Variants in DTL observed in about 807,000 individuals in gnomAD.
The protein encoded by DTL is denticleless protein homolog.
In DTL, 46 loss-of-function variants were observed where a neutral mutation model predicts 87.0. The observed-to-expected ratio is 0.53, with a 90% CI of 0.42 to 0.68. DTL has a LOEUF of 0.68. DTL is among the 30% of genes least tolerant of loss of function. The pLI is 0.00. For synonymous variants in DTL, 308 were observed against 311.2 expected (o/e 0.99, Z 0.11); for missense variants, 737 against 869.4 (o/e 0.85, Z 1.91).
chr1:212,043,680 A>AT (rs1362790229), intron 2 of DTL, among the ~76,000 whole-genome samples: 9 of 152,134 alleles, frequency 5.9e-5, no homozygotes, highest in African/African-American at 2.2e-4. Context: ...ATTGCAAAAA[A>AT]TCAGCTGGGC....
At chr1:212,101,639 T>A (rs943485837) in intron 14 of DTL, among the ~76,000 whole-genome samples, 2 of 152,244 alleles carry the variant, frequency 1.3e-5, no homozygotes, top group Non-Finnish European at 2.9e-5. Flanking sequence ...TTATGACTTC[T>A]CCACAATCTT....
intron 7 of DTL, among the ~76,000 whole-genome samples, chr1:212,066,587 A>G (rs1437950721): frequency 6.6e-6 from 1 of 152,208 alleles, no homozygotes; most frequent in South Asian, 2.1e-4. Context: ...TTTAGTCACC[A>G]GTTTGTTTTT....
At chr1:212,090,165 A>G (rs916752733) in intron 13 of DTL, among the ~76,000 whole-genome samples, 1 of 152,222 alleles carries the variant, frequency 6.6e-6, no homozygotes, top group African/African-American at 2.4e-5. Context: ...TTTTTCAGTA[A>G]TTATCCTTAT....
At chr1:212,101,753 A>G (rs971571350) in intron 14 of DTL, among the ~76,000 whole-genome samples, 2 of 152,192 alleles carry the variant, frequency 1.3e-5, no homozygotes, top group African/African-American at 4.8e-5. Flanking sequence ...CATTTCATTG[A>G]CTGACTTAAT....
chr1:212,057,236 C>A (rs529915953), intron 5 of DTL, among the ~76,000 whole-genome samples: 2 of 151,732 alleles, frequency 1.3e-5, no homozygotes, highest in African/African-American at 4.8e-5. Context: ...AGTGAAAATT[C>A]TAAAAGCAGA....
chr1:212,071,433 G>T (rs1339691283), intron 10 of DTL, among the ~76,000 whole-genome samples: 1 of 152,132 alleles, frequency 6.6e-6, no homozygotes, highest in Non-Finnish European at 1.5e-5. Context: ...TTGAGAGTGA[G>T]AAGGCTAAAC....
intron 13 of DTL, among the ~76,000 whole-genome samples, chr1:212,086,327 G>T (rs1392788419): frequency 6.6e-6 from 1 of 151,952 alleles, no homozygotes; most frequent in East Asian, 1.9e-4. Flanking sequence ...ATCATATGAG[G>T]CCATTAGAGA....
intron 13 of DTL, among the ~76,000 whole-genome samples, chr1:212,095,618 G>C (rs1655422812): frequency 6.6e-6 from 1 of 152,190 alleles, no homozygotes; most frequent in African/African-American, 2.4e-5. Flanking sequence ...TTACAGGCAT[G>C]AGCCACCGCA....
At chr1:212,090,584 G>A (rs1240545910) in intron 13 of DTL, among the ~76,000 whole-genome samples, 1 of 152,078 alleles carries the variant, frequency 6.6e-6, no homozygotes, top group Non-Finnish European at 1.5e-5. Context: ...GGCCCGAGAG[G>A]GAAGAAGCAT....
At chr1:212,079,934 C>T (rs1355879744) in intron 12 of DTL, among the ~76,000 whole-genome samples, 1 of 152,170 alleles carries the variant, frequency 6.6e-6, no homozygotes, top group African/African-American at 2.4e-5. Flanking sequence ...GCTCTGGTAC[C>T]AGTGGCCATT....
intron 1 of DTL, among the ~76,000 whole-genome samples, chr1:212,037,136 G>A (rs1667499198): frequency 6.6e-6 from 1 of 152,176 alleles, no homozygotes; most frequent in Non-Finnish European, 1.5e-5. Context: ...AAGTTAAACT[G>A]CCTGGGTTTT....
chr1:212,077,185 C>T (rs1654856204), intron 11 of DTL, among the ~76,000 whole-genome samples: 1 of 152,146 alleles, frequency 6.6e-6, no homozygotes, highest in African/African-American at 2.4e-5. Context: ...CAGCCCCAAC[C>T]TCCTTGCTCT....
chr1:212,080,250 G>GT (rs1654952663), intron 12 of DTL: 1 of 155,668 alleles, frequency 6.4e-6, no homozygotes, highest in African/African-American at 2.4e-5. Flanking sequence ...TTGAATGTTG[G>GT]TAACATATAC....
Position 212,078,263 on chromosome 1 carries a change from G to T in DTL, c.1125+1G>T. 1.3e-6 allele frequency: 2 copies of T among 1,570,936 alleles called. No homozygotes were observed. Among genetic ancestry groups the T allele is most frequent in the Non-Finnish European group, 8.8e-7 (1 of 1,141,548 alleles). Reference sequence around the variant, plus strand: ...CTGGTGTCCATCTGACTTCACAAAGGTTTGTAAATGAATCTCTATAGTTGG... The same window carrying T: ...CTGGTGTCCATCTGACTTCACAAAGTTTTGTAAATGAATCTCTATAGTTGG... On this transcript the variant is annotated splice_donor_variant, in intron 12 of 14. Coordinates refer to ENST00000366991, the MANE Select transcript of DTL (RefSeq NM_016448.4). LOFTEE classifies it high-confidence loss of function.
intron 5 of DTL, among the ~76,000 whole-genome samples, chr1:212,048,523 A>G (rs1187422552): frequency 6.6e-6 from 1 of 152,206 alleles, no homozygotes; most frequent in Non-Finnish European, 1.5e-5. Flanking sequence ...GTTTTCAACT[A>G]TTACTTAAAA....
intron 10 of DTL, among the ~76,000 whole-genome samples, chr1:212,071,896 G>A (rs1184488510): frequency 6.6e-6 from 1 of 152,164 alleles, no homozygotes; most frequent in Non-Finnish European, 1.5e-5. Flanking sequence ...CTGAGTTCAT[G>A]AGATTGGATC....
At chr1:212,093,048 A>G (rs1655332512) in intron 13 of DTL, among the ~76,000 whole-genome samples, 1 of 151,858 alleles carries the variant, frequency 6.6e-6, no homozygotes, top group South Asian at 2.1e-4. Context: ...CTTTTTTTTG[A>G]GAATTGTCTA....
chr1:212,104,994 A>G lies in DTL; in HGVS notation c.*2054A>G, dbSNP rs993249542. On this transcript the variant is annotated 3_prime_UTR_variant, in exon 15 of 15. Coordinates refer to ENST00000366991, the MANE Select transcript of DTL (RefSeq NM_016448.4). The stretch of plus-strand genomic sequence containing the variant: ...CAAGCTGAAAGAGCTTTTAATAAAA[A>G]ACATCTTGCTTGGATCAGACTTTGA... 6.6e-6 allele frequency: 1 copy of G among 152,236 alleles called. No individual in the cohort carries two copies. The allele number at this position is 152,236 out of a possible 1,614,324, so 9.4% of individuals were successfully genotyped here.
At chr1:212,072,338 A>C in intron 11 of DTL, 125 bp downstream of exon 11, 1 of 735,626 alleles carries the variant, frequency 1.4e-6, no homozygotes. Context: ...GATATTTAGT[A>C]AAGGTTGCTC....
Sources: gnomAD v4.1 joint callset for allele counts (sites outside exome capture counted in the v4.1 genomes callset) on GRCh38, gnomAD v4.1.1 for gene constraint, MANE v1.5 for transcripts, NCBI Gene and HGNC (gene_info 2026-07-23, HGNC 2026-07-21) for gene names.